POLH: variants seen among roughly 807,000 people sequenced by gnomAD.
POLH encodes DNA polymerase eta, also known as DNA polymerase eta transcript.
A neutral mutation model predicts 73.6 loss-of-function variants in POLH; 53 were observed. The observed-to-expected ratio is 0.72, with a 90% CI of 0.58 to 0.91. POLH has a LOEUF of 0.91. Among genes scored for constraint, POLH ranks in the 40% least tolerant of loss-of-function variants. POLH has a pLI of 0.00. For missense variants in POLH, 768 were observed against 865.4 expected, an observed-to-expected ratio of 0.89 and a Z score of 1.41; for synonymous variants, 292 against 308.5, an observed-to-expected ratio of 0.95 and a Z score of 0.56.
intron 9 of POLH, among the ~76,000 whole-genome samples, chr6:43,609,303 G>T (rs768467866): frequency 6.6e-5 from 10 of 152,044 alleles, no homozygotes; most frequent in Non-Finnish European, 1.2e-4. Context: ...GCACTGTCTA[G>T]GCATGCAGTT....
At chr6:43,581,566 G>A (rs1166016071) in intron 1 of POLH, among the ~76,000 whole-genome samples, 9 of 150,256 alleles carry the variant, frequency 6.0e-5, no homozygotes, top group East Asian at 1.9e-4. Flanking sequence ...CCTCGGGCCC[G>A]CGGGGCCCGT....
In POLH at chr6:43,617,462, CAA is replaced by C. The variant is rs555059518; in HGVS notation, c.*2910_*2911del. Among the ~76,000 whole-genome samples the C allele has an allele frequency of 7.9e-5, 12 of 151,362 alleles. No individual in the cohort carries two copies. The highest frequency in any genetic ancestry group is 3.9e-4 in the East Asian group (2 of 5,120). The stretch of plus-strand genomic sequence containing the variant: ...CCAACATGGGGAAAACCCATCTCTA[CAA>C]AAAATAACAAAAATTAGGTGTGTGT... On this transcript the variant is annotated 3_prime_UTR_variant, in exon 11 of 11. Transcript: ENST00000372236.
Position 43,617,976 on chromosome 6 carries a change from A to C in POLH, c.*3419A>C, listed in dbSNP as rs1250034346. Among the ~76,000 whole-genome samples the C allele has an allele frequency of 3.9e-5, 6 of 152,212 alleles. No individual in the cohort carries two copies. The highest frequency in any genetic ancestry group is 1.2e-4 in the African/African-American group (5 of 41,462). The stretch of plus-strand genomic sequence containing the variant: ...TTTGAGAAATGCTGATCTAAAAGAT[A>C]CTAATGACCAGGTGTGTAGAGGACA... On this transcript the variant is annotated 3_prime_UTR_variant, in exon 11 of 11. Transcript: ENST00000372236.
intron 7 of POLH, among the ~76,000 whole-genome samples, 180 bp downstream of exon 7, chr6:43,604,191 G>T (rs1056542506): frequency 2.0e-5 from 3 of 152,136 alleles, no homozygotes; most frequent in African/African-American, 7.2e-5. Flanking sequence ...GTCTAGAGTA[G>T]TTTTTTCCAT....
Position 43,614,025 on chromosome 6 carries a change from T to C in POLH, c.1610T>C (p.Leu537Pro). The change falls in exon 11 of 11, where the codon CTG becomes CCG. Residue 537 changes from leucine to proline, a missense_variant. Leu to Pro is a moderately conservative substitution (Grantham distance 98). Coordinates refer to ENST00000372236, the MANE Select transcript of POLH (RefSeq NM_006502.3). ...GAGCCCTTCTTTAAGCAGAAAAGTCTGCTTCTAAAGCAGAAACAGCTTAAT... is the reference window on the plus strand; with the variant it reads ...GAGCCCTTCTTTAAGCAGAAAAGTCCGCTTCTAAAGCAGAAACAGCTTAAT... The part of the protein sequence containing the change: ...GTEPFFKQKS[L>P]LLKQKQLNNS... 1 of 1,614,156 alleles carries C rather than the reference T, an allele frequency of 6.2e-7. No individual in the cohort carries two copies.
At chr6:43,599,170 C>T (rs1216990403) in intron 5 of POLH, among the ~76,000 whole-genome samples, 1 of 151,416 alleles carries the variant, frequency 6.6e-6, no homozygotes, top group Non-Finnish European at 1.5e-5. Flanking sequence ...TGTATTTTTA[C>T]TGGAGACAGG....
chr6:43,620,301 A>C lies in POLH; in HGVS notation c.*5744A>C. The C allele has an allele frequency of 1.9e-6, 1 of 516,992 alleles. No homozygotes were observed. The highest frequency in any genetic ancestry group is 1.4e-5 in the South Asian group (1 of 71,080). The allele number at this position is 516,992 out of a possible 1,614,324, so 32.0% of individuals were successfully genotyped here. ...TCACTTGAACTACGGAAAATAGGCCACAATACTTGGTTACAATACTGGAAC... is the reference window on the plus strand; with the variant it reads ...TCACTTGAACTACGGAAAATAGGCCCCAATACTTGGTTACAATACTGGAAC... On this transcript the variant is annotated 3_prime_UTR_variant, in exon 11 of 11. Transcript: ENST00000372236.
intron 6 of POLH, 71 bp downstream of exon 6, chr6:43,601,162 G>C (rs1766693356): frequency 1.8e-6 from 2 of 1,091,430 alleles, no homozygotes; most frequent in East Asian, 2.4e-5. Flanking sequence ...GTAGTTTCTT[G>C]TGTTACTAAT....
chr6:43,597,266 C>T (rs1766179734), intron 4 of POLH, among the ~76,000 whole-genome samples: 1 of 152,140 alleles, frequency 6.6e-6, no homozygotes. Flanking sequence ...CAGGCCTGCA[C>T]CACCATGCCC....
rs1768567338 is a variant in POLH at position 43,619,407 on chromosome 6, T to A, written c.*4850T>A. Among the ~76,000 whole-genome samples, 1 of 147,740 alleles carries A rather than the reference T, an allele frequency of 6.8e-6. No homozygotes were observed. The highest frequency in any genetic ancestry group is 2.5e-5 in the African/African-American group (1 of 40,336). On this transcript the variant is annotated 3_prime_UTR_variant, in exon 11 of 11. Coordinates refer to ENST00000372236, the MANE Select transcript of POLH (RefSeq NM_006502.3). ...AAAAAAAAAAAAAGACTACATTCACTGTATACGTGGCCTTTTCCCCCTAAC... is the reference window on the plus strand; with the variant it reads ...AAAAAAAAAAAAAGACTACATTCACAGTATACGTGGCCTTTTCCCCCTAAC...
Position 43,589,392 on chromosome 6 carries a change from A to G in POLH, c.490+1903A>G, listed in dbSNP as rs74833323. 6.7e-4 allele frequency among the ~76,000 whole-genome samples: 102 copies of G among 152,306 alleles called. No individual in the cohort carries two copies. In the East Asian group the frequency reaches 0.011, roughly 17 times the overall value. On this transcript the variant is annotated intron_variant, in intron 4 of 10. Transcript: ENST00000372236. ...CCCCATATTCTCAACAACAACTGGT[A>G]TCATCTAATGTTTAAAAATATTTGC...
chr6:43,587,775 T>C (rs1304961095), intron 4 of POLH, among the ~76,000 whole-genome samples: 1 of 152,208 alleles, frequency 6.6e-6, no homozygotes, highest in Non-Finnish European at 1.5e-5. Context: ...ACGCTTCTAA[T>C]CCCAGCACTT....
At position 43,611,947 on chromosome 6, in the gene POLH, T is replaced by G. The variant is rs560839615; in HGVS notation, c.1244+1224T>G. Among the ~76,000 whole-genome samples the G allele has an allele frequency of 7.6e-4, 115 of 152,042 alleles. 1 individual carries two copies. The Middle Eastern group carries it at 0.024, about 31-fold the overall frequency. On this transcript the variant is annotated intron_variant, in intron 10 of 10. Coordinates refer to ENST00000372236, the MANE Select transcript of POLH (RefSeq NM_006502.3). ...GGTGGATGCCTATAATCCCAGCTAC[T>G]TGGGAGGCTGAGGCAGGAGAATTGC...
intron 4 of POLH, among the ~76,000 whole-genome samples, chr6:43,595,839 A>G (rs113047385): frequency 0.033 from 4,972 of 150,646 alleles, 261 homozygotes; most frequent in African/African-American, 0.11. Flanking sequence ...GCTTGCATGT[A>G]TTTTTCTTTT....
chr6:43,600,836 T>G (rs1303647571), intron 5 of POLH, 152 bp from the exon 6 acceptor site: 1 of 678,026 alleles, frequency 1.5e-6, no homozygotes, highest in Non-Finnish European at 2.7e-6. Context: ...TTTAGAGATG[T>G]CTTGAGTTTC....
In POLH at chr6:43,617,887, T is replaced by C. The variant is rs918159812; in HGVS notation, c.*3330T>C. ...GTGAGCCCAGATCGTGCCACTGCAC[T>C]GCACCCTGGCGACACAGCAAGACTG... is the stretch of plus-strand genomic sequence containing the variant. On this transcript the variant is annotated 3_prime_UTR_variant, in exon 11 of 11. Transcript: ENST00000372236. Among the ~76,000 whole-genome samples, 12 of 151,882 alleles carry C rather than the reference T, an allele frequency of 7.9e-5. No homozygotes were observed. Among genetic ancestry groups the C allele is most frequent in the African/African-American group, 2.7e-4 (11 of 41,294 alleles).
At chr6:43,603,859 G>T (rs756294315) in intron 6 of POLH, 33 bp from the exon 7 acceptor site, 7 of 1,610,050 alleles carry the variant, frequency 4.3e-6, no homozygotes, top group Non-Finnish European at 5.1e-6. Context: ...GTTATGATGT[G>T]ACCTATCAAT....
At chr6:43,608,229 T>A (rs556575553) in intron 9 of POLH, among the ~76,000 whole-genome samples, 3 of 152,238 alleles carry the variant, frequency 2.0e-5, no homozygotes, top group African/African-American at 7.2e-5. Context: ...GATACGTGAT[T>A]TGCAAATATT....
rs768506348 is a variant in POLH, at chr6:43,619,870, G to A, written c.*5313G>A. On this transcript the variant is annotated 3_prime_UTR_variant, in exon 11 of 11. Transcript: ENST00000372236. ...ATAAAACAGCCTGAGTGGTAGGGAA[G>A]CTATCACTTTAATACTCTAGAGGCA... Among the ~76,000 whole-genome samples the A allele has an allele frequency of 6.6e-6, 1 of 152,166 alleles. No homozygotes were observed. The highest frequency in any genetic ancestry group is 1.5e-5 in the Non-Finnish European group (1 of 68,028).
Sources: gnomAD v4.1 joint callset for allele counts (sites outside exome capture counted in the v4.1 genomes callset) on GRCh38, gnomAD v4.1.1 for gene constraint, MANE v1.5 for transcripts, NCBI Gene and HGNC (gene_info 2026-07-23, HGNC 2026-07-21) for gene names.